Variants in CHRM3 observed in about 807,000 individuals in gnomAD.
The protein encoded by CHRM3 is muscarinic acetylcholine receptor M3.
A neutral mutation model predicts 41.8 loss-of-function variants in CHRM3; 11 were observed. That is an observed-to-expected ratio of 0.26 (90% confidence interval 0.17 to 0.44). The LOEUF (loss-of-function observed/expected upper bound fraction) is 0.44. CHRM3 is among the 20% of genes least tolerant of loss of function. The pLI, the probability that CHRM3 is intolerant of heterozygous loss-of-function variation, is 1.00. For missense variants in CHRM3, 571 were observed against 745.4 expected, an observed-to-expected ratio of 0.77 and a Z score of 2.72; for synonymous variants, 297 against 301.4, an observed-to-expected ratio of 0.99 and a Z score of 0.15.
intron 1 of CHRM3, among the ~76,000 whole-genome samples, chr1:239,472,175 T>C (rs543155844): frequency 4.6e-5 from 7 of 152,214 alleles, no homozygotes; most frequent in Non-Finnish European, 1.0e-4. Context: ...ATCTCTATTA[T>C]TCTTCTAATA....
intron 6 of CHRM3, among the ~76,000 whole-genome samples, chr1:239,867,634 TGAG>T (rs1676225592): frequency 6.7e-6 from 1 of 149,478 alleles, no homozygotes; most frequent in Non-Finnish European, 1.5e-5. Flanking sequence ...TGCAGTGAGC[TGAG>T]ATCACACCAC....
chr1:239,894,044 T>C (rs1411915138), intron 6 of CHRM3, among the ~76,000 whole-genome samples: 1 of 152,198 alleles, frequency 6.6e-6, no homozygotes, highest in Non-Finnish European at 1.5e-5. Context: ...TCACAATGAC[T>C]GTCTTTTTCT....
rs77028887 is a variant in CHRM3 at position 239,802,309 on chromosome 1, C to T, written c.-146-24943C>T. ...CCATAGAAAAAAATATTATCTGAAC[C>T]ACACAGGATTATCACTTTGTATGTT... On this transcript the variant is annotated intron_variant, in intron 5 of 6. Coordinates refer to ENST00000676153, the MANE Select transcript of CHRM3 (RefSeq NM_001375978.1). Among the ~76,000 whole-genome samples, 465 of 152,246 alleles carry T rather than the reference C, an allele frequency of 3.1e-3. 11 individuals carry two copies. Among genetic ancestry groups the T allele is most frequent in the Admixed American group, 0.023 (345 of 15,288 alleles).
intron 5 of CHRM3, among the ~76,000 whole-genome samples, chr1:239,744,532 A>G (rs1311892248): frequency 6.6e-6 from 1 of 152,146 alleles, no homozygotes; most frequent in Non-Finnish European, 1.5e-5. Context: ...GCAGGTGCAC[A>G]TGCCCTGAGA....
chr1:239,514,147 T>G (rs909177003), intron 2 of CHRM3, among the ~76,000 whole-genome samples: 1 of 152,150 alleles, frequency 6.6e-6, no homozygotes, highest in East Asian at 1.9e-4. Context: ...AATTATAGAA[T>G]CAAGTTTGCC....
intron 5 of CHRM3, among the ~76,000 whole-genome samples, chr1:239,767,643 T>C (rs1667331483): frequency 6.6e-6 from 1 of 152,214 alleles, no homozygotes; most frequent in East Asian, 1.9e-4. Context: ...TGAATAATGA[T>C]CCTAATATAA....
At chr1:239,532,631 A>T (rs970643322) in intron 2 of CHRM3, among the ~76,000 whole-genome samples, 8 of 151,860 alleles carry the variant, frequency 5.3e-5, no homozygotes, top group Non-Finnish European at 1.0e-4. Context: ...TCAAAAAAAA[A>T]AAAAAAAGAT....
chr1:239,454,749 A>G (rs1353482620), intron 1 of CHRM3, among the ~76,000 whole-genome samples: 1 of 152,138 alleles, frequency 6.6e-6, no homozygotes, highest in Non-Finnish European at 1.5e-5. Context: ...AACAGGAGAG[A>G]CCAAATACAA....
At chr1:239,521,381 G>A (rs942886941) in intron 2 of CHRM3, among the ~76,000 whole-genome samples, 2 of 152,128 alleles carry the variant, frequency 1.3e-5, no homozygotes, top group Non-Finnish European at 2.9e-5. Flanking sequence ...TTGAGGATAC[G>A]AGAGGACAAT....
intron 1 of CHRM3, among the ~76,000 whole-genome samples, chr1:239,397,532 C>T (rs141308866): frequency 0.02 from 3,083 of 151,726 alleles, 67 homozygotes; most frequent in African/African-American, 0.063. Context: ...ATTAGCCGGG[C>T]GTGCTGGCAC....
intron 3 of CHRM3, among the ~76,000 whole-genome samples, chr1:239,597,168 G>A (rs1664870747): frequency 6.6e-6 from 1 of 152,150 alleles, no homozygotes; most frequent in South Asian, 2.1e-4. Context: ...ATAATATTCT[G>A]CCATTTTATT....
intron 1 of CHRM3, among the ~76,000 whole-genome samples, chr1:239,462,894 G>T (rs188871566): frequency 3.9e-5 from 6 of 152,250 alleles, no homozygotes; most frequent in Admixed American, 3.3e-4. Context: ...GACATTTGTT[G>T]TTATATAACT....
At chr1:239,474,469 T>C (rs1314897589) in intron 1 of CHRM3, among the ~76,000 whole-genome samples, 4 of 151,986 alleles carry the variant, frequency 2.6e-5, no homozygotes, top group African/African-American at 9.7e-5. Flanking sequence ...TAGATGCGGG[T>C]ATATGTGTGT....
intron 5 of CHRM3, among the ~76,000 whole-genome samples, chr1:239,808,283 C>A (rs12077533): frequency 1.6e-4 from 25 of 152,160 alleles, no homozygotes; most frequent in African/African-American, 6.0e-4. Context: ...TCGTATGTGA[C>A]CTTCAGGCAG....
intron 4 of CHRM3, among the ~76,000 whole-genome samples, chr1:239,669,380 C>T (rs10802789): frequency 0.44 from 66,738 of 151,952 alleles, 15,486 homozygotes; most frequent in East Asian, 0.71. Context: ...TTTCTCTACA[C>T]GTTGTTGTTT....
At chr1:239,406,283 A>G (rs891047990) in intron 1 of CHRM3, among the ~76,000 whole-genome samples, 5 of 152,206 alleles carry the variant, frequency 3.3e-5, no homozygotes, top group African/African-American at 1.2e-4. Context: ...AAGTTCAAAT[A>G]GGCTTTGCAA....
Position 239,695,561 on chromosome 1 carries a change from A to G in CHRM3, c.-147+17273A>G, listed in dbSNP as rs144873948. Among the ~76,000 whole-genome samples, 101 of 152,270 alleles carry G rather than the reference A, an allele frequency of 6.6e-4. 1 individual carries two copies. The highest frequency in any genetic ancestry group is 6.0e-3 in the Admixed American group (91 of 15,292). On this transcript the variant is annotated intron_variant, in intron 5 of 6. Coordinates refer to ENST00000676153, the MANE Select transcript of CHRM3 (RefSeq NM_001375978.1). ...CCTCCTTATTTGTCTGTGTTCAGCT[A>G]TAGTCATTCCCTGGGAAACAATAAA... is the stretch of plus-strand genomic sequence containing the variant.
At chr1:239,711,580 A>C (rs1204923078) in intron 5 of CHRM3, among the ~76,000 whole-genome samples, 3 of 151,908 alleles carry the variant, frequency 2.0e-5, no homozygotes, top group Non-Finnish European at 4.4e-5. Flanking sequence ...TCCTGAGGAG[A>C]GGATCACAAA....
chr1:239,390,099 T>A (rs1263895345), intron 1 of CHRM3, among the ~76,000 whole-genome samples: 1 of 152,236 alleles, frequency 6.6e-6, no homozygotes, highest in South Asian at 2.1e-4. Flanking sequence ...TCTTTTATGT[T>A]TGTGAATTTA....
Sources: gnomAD v4.1 joint callset for allele counts (sites outside exome capture counted in the v4.1 genomes callset) on GRCh38, gnomAD v4.1.1 for gene constraint, MANE v1.5 for transcripts, NCBI Gene and HGNC (gene_info 2026-07-23, HGNC 2026-07-21) for gene names.